Variants in PLCE1 observed in about 807,000 individuals in gnomAD.
PLCE1 encodes the protein 1-phosphatidylinositol 4,5-bisphosphate phosphodiesterase epsilon-1.
PLCE1 carries 119 observed loss-of-function variants against 242.8 expected under a neutral mutation model. That is an observed-to-expected ratio of 0.49 (90% CI 0.42 to 0.57). PLCE1 has a LOEUF of 0.57. PLCE1 is among the 20% of genes least tolerant of loss of function. The pLI, the probability that PLCE1 is intolerant of heterozygous loss-of-function variation, is 0.00. For synonymous variants in PLCE1, 945 were observed against 1,017.4 expected (o/e 0.93, Z 1.35); for missense variants, 2,441 against 2,788.8 (o/e 0.88, Z 2.81).
chr10:94,220,903 C>G (rs536656394), intron 4 of PLCE1, among the ~76,000 whole-genome samples: 1 of 152,316 alleles, frequency 6.6e-6, no homozygotes, highest in East Asian at 1.9e-4. Flanking sequence ...CTACCTACCT[C>G]CAGCGCCGGG....
intron 17 of PLCE1, 58 bp downstream of exon 17, chr10:94,269,094 CTTTTTTTTTTTTTT>C (rs71031565): frequency 3.2e-6 from 1 of 312,490 alleles, no homozygotes; most frequent in South Asian, 2.3e-5. Context: ...CTTCATTTGT[CTTTTTTTTTTTTTT>C]TTTTTTTTTT....
intron 14 of PLCE1, among the ~76,000 whole-genome samples, chr10:94,263,495 CAG>C (rs1431713484): frequency 2.9e-5 from 4 of 137,480 alleles, no homozygotes; most frequent in African/African-American, 1.1e-4. Flanking sequence ...GCCTCGGCAA[CAG>C]AGCAAGACCC....
intron 2 of PLCE1, among the ~76,000 whole-genome samples, chr10:94,039,356 G>A (rs562639352): frequency 8.5e-5 from 13 of 152,072 alleles, no homozygotes; most frequent in Middle Eastern, 3.4e-3. Flanking sequence ...CACCAGCAAT[G>A]CAAAAGGGTT....
intron 3 of PLCE1, among the ~76,000 whole-genome samples, chr10:94,135,036 C>G (rs1013970198): frequency 6.6e-6 from 1 of 152,112 alleles, no homozygotes; most frequent in Admixed American, 6.5e-5. Flanking sequence ...AGCATCCTCT[C>G]CCATTTGGTT....
At chr10:94,035,391 G>A (rs568056919) in intron 2 of PLCE1, among the ~76,000 whole-genome samples, 2 of 152,162 alleles carry the variant, frequency 1.3e-5, no homozygotes, top group African/African-American at 4.8e-5. Context: ...TTGTTCACTG[G>A]TCCCCAGCTC....
intron 20 of PLCE1, among the ~76,000 whole-genome samples, chr10:94,282,807 C>T (rs938041148): frequency 3.3e-5 from 5 of 152,150 alleles, no homozygotes; most frequent in African/African-American, 9.7e-5. Flanking sequence ...TCCTTACTGC[C>T]TCCCCTGCTC....
Position 94,291,659 on chromosome 10 carries a change from C to A in PLCE1, c.5036-1849C>A, listed in dbSNP as rs143626605. On this transcript the variant is annotated intron_variant, in intron 22 of 32. Coordinates refer to ENST00000371380, the MANE Select transcript of PLCE1 (RefSeq NM_016341.4). ...AAAGTATCTAGTGTGATTAGCACAT[C>A]GTCGGGAGCATGGTGGGTGGATCAC... 1.8e-3 allele frequency among the ~76,000 whole-genome samples: 270 copies of A among 152,148 alleles called. 7 individuals are homozygous for A. The highest frequency in any genetic ancestry group is 0.014 in the Admixed American group (212 of 15,284).
intron 2 of PLCE1, among the ~76,000 whole-genome samples, chr10:94,046,648 G>A (rs981091805): frequency 1.3e-5 from 2 of 152,206 alleles, no homozygotes; most frequent in Admixed American, 6.5e-5. Context: ...CATTGGGTGT[G>A]GAGCTGAACT....
chr10:94,003,808 G>A (rs1405782931), intron 1 of PLCE1, among the ~76,000 whole-genome samples: 1 of 152,146 alleles, frequency 6.6e-6, no homozygotes, highest in Non-Finnish European at 1.5e-5. Context: ...ATCAAGGGTA[G>A]CCTCTAAAAT....
At chr10:94,091,534 A>G (rs1241965558) in intron 2 of PLCE1, among the ~76,000 whole-genome samples, 1 of 152,172 alleles carries the variant, frequency 6.6e-6, no homozygotes, top group Non-Finnish European at 1.5e-5. Context: ...AGTACCTAAG[A>G]GACAGGTGGA....
At chr10:94,251,763 T>C (rs1037516657) in intron 8 of PLCE1, among the ~76,000 whole-genome samples, 7 of 152,156 alleles carry the variant, frequency 4.6e-5, no homozygotes, top group African/African-American at 1.7e-4. Context: ...TATCTTTAGA[T>C]TTCAGCCACT....
rs1200839708 is a variant in PLCE1 at position 94,262,677 on chromosome 10, T to C, written c.3998T>C (p.Leu1333Pro). ...GVGILQLNDF[L>P]VNCQGEHCTY... is the part of the protein sequence containing the mutation. ...GGCATACTTCAGCTCAACGATTTCC[T>C]CGTGAATTGCCAAGGAGAACACTGC... Residue 1333 changes from leucine (L) to proline (P), a missense_variant, in exon 14 of 33, where the codon CTC becomes CCC. Physicochemically the swap from Leu to Pro is moderately conservative, Grantham distance 98. Transcript: ENST00000371380. 5 of 1,614,004 alleles carry C rather than the reference T, an allele frequency of 3.1e-6. No homozygotes were observed.
At chr10:94,177,946 G>A (rs551459113) in intron 4 of PLCE1, among the ~76,000 whole-genome samples, 2 of 152,328 alleles carry the variant, frequency 1.3e-5, no homozygotes, top group African/African-American at 4.8e-5. Context: ...TGGAGTGAGG[G>A]GGAGGATCTT....
chr10:94,235,762 T>G, intron 6 of PLCE1, 153 bp from the exon 7 acceptor site: 1 of 979,802 alleles, frequency 1.0e-6, no homozygotes, highest in Non-Finnish European at 1.2e-6. Context: ...TGTGGTGAAA[T>G]GAAAAAATGT....
At position 94,114,737 on chromosome 10, in the gene PLCE1, T is replaced by G. The variant is rs138305535; in HGVS notation, c.1207-17437T>G. On this transcript the variant is annotated intron_variant, in intron 2 of 32. Coordinates refer to ENST00000371380, the MANE Select transcript of PLCE1 (RefSeq NM_016341.4). ...AATCCTCTTATGCCCTATGTTTTTT[T>G]TTGTTGTTGTTCTTGCACAGTTCTT... Among the ~76,000 whole-genome samples the G allele has an allele frequency of 2.8e-3, 417 of 146,628 alleles. 6 individuals are homozygous for G. The highest frequency in any genetic ancestry group is 9.6e-3 in the African/African-American group (388 of 40,362).
chr10:94,110,375 T>A (rs1468004060), intron 2 of PLCE1, among the ~76,000 whole-genome samples: 1 of 152,154 alleles, frequency 6.6e-6, no homozygotes, highest in Non-Finnish European at 1.5e-5. Context: ...GATAGACCTT[T>A]TCTAAGGGTT....
chr10:94,014,633 T>C (rs893847279), intron 1 of PLCE1, among the ~76,000 whole-genome samples: 2 of 152,192 alleles, frequency 1.3e-5, no homozygotes, highest in African/African-American at 4.8e-5. Flanking sequence ...TCCATACCCA[T>C]TAAACAATAA....
chr10:94,279,692 G>T, intron 19 of PLCE1, 90 bp from the exon 20 acceptor site: 1 of 1,421,086 alleles, frequency 7.0e-7, no homozygotes, highest in Non-Finnish European at 9.9e-7. Flanking sequence ...CACTTTTAAC[G>T]ATTGTGTTAA....
chr10:94,053,416 G>GAGCA (rs1274504385), intron 2 of PLCE1, among the ~76,000 whole-genome samples: 2 of 152,222 alleles, frequency 1.3e-5, no homozygotes, highest in Non-Finnish European at 2.9e-5. Flanking sequence ...CTTTATGTCT[G>GAGCA]AGCAAATATT....
Sources: gnomAD v4.1 joint callset for allele counts (sites outside exome capture counted in the v4.1 genomes callset) on GRCh38, gnomAD v4.1.1 for gene constraint, MANE v1.5 for transcripts, NCBI Gene and HGNC (gene_info 2026-07-23, HGNC 2026-07-21) for gene names.